Variants in NAV1 observed in about 807,000 individuals in gnomAD.
The protein encoded by NAV1 is neuron navigator 1, also known as pore membrane and/or filament interacting like protein 3.
In NAV1, 18 loss-of-function variants were observed where a neutral mutation model predicts 175.2. That is an observed-to-expected ratio of 0.10 (90% CI 0.07 to 0.15). The LOEUF is 0.15. Among genes scored for constraint, NAV1 ranks in the 10% least tolerant of loss-of-function variants. The pLI, the probability that NAV1 is intolerant of heterozygous loss-of-function variation, is 1.00. For missense variants in NAV1, 1,731 were observed against 2,436.6 expected, an observed-to-expected ratio of 0.71 and a Z score of 6.10; for synonymous variants, 897 against 978.7, an observed-to-expected ratio of 0.92 and a Z score of 1.56.
intron 3 of NAV1, among the ~76,000 whole-genome samples, chr1:201,765,461 C>A (rs1275800446): frequency 7.3e-6 from 1 of 137,882 alleles, no homozygotes; most frequent in African/African-American, 2.7e-5. Flanking sequence ...GTGGTGCCAT[C>A]TCAGCTTACT....
chr1:201,643,340 CT>C (rs35906387), upstream of NAV1, among the ~76,000 whole-genome samples: 24 of 81,612 alleles, frequency 2.9e-4, no homozygotes, highest in Non-Finnish European at 5.5e-5. Flanking sequence ...TCCCTCTCTT[CT>C]TTCTTTCTTT....
chr1:201,690,156 A>G (rs112043684), intron 1 of NAV1, among the ~76,000 whole-genome samples: 3 of 119,730 alleles, frequency 2.5e-5, no homozygotes, highest in South Asian at 5.9e-4. Flanking sequence ...GAGTATGTCT[A>G]TTTCCTCTCT....
intron 1 of NAV1, among the ~76,000 whole-genome samples, chr1:201,627,237 A>G (rs1418461360): frequency 6.6e-6 from 1 of 151,678 alleles, no homozygotes; most frequent in Non-Finnish European, 1.5e-5. Context: ...TGGGATTAAC[A>G]GTTGTGAGCC....
At chr1:201,802,514 C>T (rs892821207) in intron 15 of NAV1, among the ~76,000 whole-genome samples, 3 of 149,832 alleles carry the variant, frequency 2.0e-5, no homozygotes, top group African/African-American at 7.4e-5. Context: ...GGCGCAGTGG[C>T]TCGTGCCTGT....
chr1:201,628,507 A>G (rs2102292045), intron 1 of NAV1, among the ~76,000 whole-genome samples: 1 of 152,232 alleles, frequency 6.6e-6, no homozygotes, highest in Middle Eastern at 3.4e-3. Context: ...GGCATTGAAA[A>G]AAGTGAAAAC....
At chr1:201,628,620 C>G (rs116289720) in intron 1 of NAV1, among the ~76,000 whole-genome samples, 2 of 152,184 alleles carry the variant, frequency 1.3e-5, no homozygotes, top group South Asian at 4.1e-4. Flanking sequence ...TCCCCTCCCC[C>G]TCCTGCCAAG....
intron 1 of NAV1, among the ~76,000 whole-genome samples, chr1:201,681,544 G>T (rs186544436): frequency 6.6e-6 from 1 of 152,276 alleles, no homozygotes; most frequent in Admixed American, 6.5e-5. Flanking sequence ...CTTCCTGTTC[G>T]GTCCAGCTGG....
intron 3 of NAV1, among the ~76,000 whole-genome samples, chr1:201,779,071 A>T (rs1676135847): frequency 6.6e-6 from 1 of 152,228 alleles, no homozygotes; most frequent in African/African-American, 2.4e-5. Flanking sequence ...ACTTGAGTGA[A>T]ATCTGAAGAA....
intron 1 of NAV1, among the ~76,000 whole-genome samples, chr1:201,568,370 T>A (rs1278948998): frequency 6.6e-6 from 1 of 152,142 alleles, no homozygotes; most frequent in Non-Finnish European, 1.5e-5. Flanking sequence ...GTTAATGGAG[T>A]GTCAGCACTC....
intron 1 of NAV1, among the ~76,000 whole-genome samples, chr1:201,656,821 A>G (rs1669423896): frequency 1.3e-5 from 2 of 152,228 alleles, no homozygotes; most frequent in Admixed American, 1.3e-4. Context: ...AGCTTCCCCC[A>G]AACAGACCCC....
At chr1:201,686,003 A>G (rs1017086855) in intron 1 of NAV1, among the ~76,000 whole-genome samples, 3 of 152,190 alleles carry the variant, frequency 2.0e-5, no homozygotes, top group African/African-American at 7.2e-5. Flanking sequence ...AGGGTACCTG[A>G]GACAGCTGCA....
In NAV1 at chr1:201,546,990, AT is replaced by A. The variant is rs201089522; in HGVS notation, c.-144+7661del. On this transcript the variant is annotated intron_variant, in intron 1 of 33. Coordinates refer to the NAV1 transcript ENST00000685211. Reference sequence around the variant, plus strand: ...CATGTTATTTCCAAAGAACAAGGACATTTTTTTTTTTTTGAGATGGAGTTTC... The same window carrying A: ...CATGTTATTTCCAAAGAACAAGGACATTTTTTTTTTTTGAGATGGAGTTTC... 5.8e-3 allele frequency among the ~76,000 whole-genome samples: 845 copies of A among 144,792 alleles called. 8 individuals are homozygous for A. Among genetic ancestry groups the A allele is most frequent in the African/African-American group, 0.017 (667 of 39,422 alleles). The allele number at this position is 144,792 out of a possible 152,430, so 95.0% of individuals were successfully genotyped here.
chr1:201,673,756 G>A (rs1670138940), intron 1 of NAV1: 1 of 152,288 alleles, frequency 6.6e-6, no homozygotes, highest in Admixed American at 6.5e-5. Context: ...CAGTTGAATA[G>A]CAGCCTTGTC....
At chr1:201,665,984 C>T (rs1322851372) in intron 1 of NAV1, among the ~76,000 whole-genome samples, 2 of 152,114 alleles carry the variant, frequency 1.3e-5, no homozygotes, top group African/African-American at 4.8e-5. Flanking sequence ...ATTCCTTGAA[C>T]TCACGTGTAA....
Position 201,549,136 on chromosome 1 carries a change from TTTCTTTC to T in NAV1, c.-144+9803_-144+9809del, listed in dbSNP as rs1350222051. On this transcript the variant is annotated intron_variant, in intron 1 of 33. Transcript: ENST00000685211. The stretch of plus-strand genomic sequence containing the variant: ...CTTTCTTTCTTTCTTTCTTTCTTTC[TTTCTTTC>T]TTCTTTCTCTCTCTCTCTTTCTTTC... Among the ~76,000 whole-genome samples the T allele has an allele frequency of 4.9e-3, 692 of 140,226 alleles. 8 individuals carry two copies. Among genetic ancestry groups the T allele is most frequent in the Non-Finnish European group, 7.6e-3 (469 of 62,112 alleles). 92.0% of individuals were successfully genotyped at this position (140,226 alleles called of 152,430 possible).
In NAV1 at chr1:201,810,013, G is replaced by C. The variant is rs1452060712; in HGVS notation, c.4469G>C (p.Ser1490Thr). 6.2e-7 allele frequency: 1 copy of C among 1,613,918 alleles called. No individual in the cohort carries two copies. The highest frequency in any genetic ancestry group is 8.5e-7 in the Non-Finnish European group (1 of 1,180,022). The stretch of plus-strand genomic sequence containing the variant: ...AGCACTGAGTCCATCCATGGCTACA[G>C]CATCAGCCACGTGAAACGAGTGTTG... Residue 1490 changes from serine (S) to threonine (T), a missense_variant, in exon 23 of 30, where the codon AGC (serine) becomes ACC (threonine). Ser to Thr is a moderately conservative substitution (Grantham distance 58). Around this residue, in one of 13 missense-constraint regions of NAV1, gnomAD observed 36 missense variants for 45.3 expected, o/e 0.80. Transcript: ENST00000367296. This position sits in a 1 kb window ranked among gnomAD's most constrained non-coding sequence, Gnocchi z 6.0.
chr1:201,545,930 T>C (rs1384992640), intron 1 of NAV1, among the ~76,000 whole-genome samples: 3 of 152,236 alleles, frequency 2.0e-5, no homozygotes, highest in Non-Finnish European at 4.4e-5. Context: ...AATAGGTCCA[T>C]AATAAAGGAT....
intron 1 of NAV1, among the ~76,000 whole-genome samples, chr1:201,708,112 A>G (rs1182082846): frequency 6.6e-6 from 1 of 152,168 alleles, no homozygotes; most frequent in Non-Finnish European, 1.5e-5. Flanking sequence ...CATGGACAGT[A>G]TGCTCTCTCT....
intron 3 of NAV1, among the ~76,000 whole-genome samples, chr1:201,765,009 C>A (rs1675110101): frequency 6.6e-6 from 1 of 152,168 alleles, no homozygotes; most frequent in Non-Finnish European, 1.5e-5. Flanking sequence ...GGAGAGTGAG[C>A]TAAAGTGGGT....
Sources: gnomAD v4.1 joint callset for allele counts (sites outside exome capture counted in the v4.1 genomes callset) on GRCh38, gnomAD v4.1.1 for gene constraint, gnomAD v4.1.1 regional missense constraint, Gnocchi (gnomAD v3.1) non-coding constraint, MANE v1.5 for transcripts, NCBI Gene and HGNC (gene_info 2026-07-23, HGNC 2026-07-21) for gene names.